KTN1: variants seen among roughly 807,000 people sequenced by gnomAD.
KTN1 encodes the protein kinectin 1, also known as kinectin.
A neutral mutation model predicts 222.5 loss-of-function variants in KTN1; 130 were observed. That is an observed-to-expected ratio of 0.58 (90% confidence interval 0.51 to 0.68). The LOEUF (loss-of-function observed/expected upper bound fraction) is 0.68, where lower values mean the gene tolerates loss of function less well. Among genes scored for constraint, KTN1 ranks in the 30% least tolerant of loss-of-function variants. KTN1 has a pLI of 0.00. For missense variants in KTN1, 1,508 were observed against 1,500.4 expected, an observed-to-expected ratio of 1.01 and a Z score of -0.08; for synonymous variants, 512 against 496.3, an observed-to-expected ratio of 1.03 and a Z score of -0.42.
intron 32 of KTN1, chr14:55,662,994 G>T: frequency 2.2e-6 from 1 of 455,894 alleles, no homozygotes; most frequent in South Asian, 1.5e-5. Flanking sequence ...GCAGATAGCA[G>T]TGTCAGTCTT....
chr14:55,590,301 A>G (rs2033881734), intron 1 of KTN1, among the ~76,000 whole-genome samples: 2 of 152,226 alleles, frequency 1.3e-5, no homozygotes, highest in African/African-American at 4.8e-5. Flanking sequence ...TATAATGTAT[A>G]TGTACAGTTT....
chr14:55,679,892 G>T (rs886982858), intron 43 of KTN1: 2 of 552,234 alleles, frequency 3.6e-6, no homozygotes, highest in Non-Finnish European at 6.3e-6. Flanking sequence ...GGGGTTATCT[G>T]TGCCTCCTTT....
chr14:55,610,388 G>T (rs2037364508), intron 1 of KTN1, among the ~76,000 whole-genome samples: 1 of 152,100 alleles, frequency 6.6e-6, no homozygotes, highest in Admixed American at 6.5e-5. Context: ...GTGTACCTGT[G>T]CAGTTCAAAC....
rs372710538 is a variant in KTN1, at chr14:55,589,955, C to A, written c.-31+9601C>A. On this transcript the variant is annotated intron_variant, in intron 1 of 43. Transcript: ENST00000395314. ...TACAGGTGTGAGCCACTGCACCCAG[C>A]CTTATTTATCTGATTTCTTAAGGTA... Among the ~76,000 whole-genome samples the A allele has an allele frequency of 4.6e-5, 7 of 152,148 alleles. No homozygotes were observed. The South Asian group carries it at 8.3e-4, about 18-fold the overall frequency.
At chr14:55,610,392 T>C (rs1175963701) in intron 1 of KTN1, among the ~76,000 whole-genome samples, 1 of 152,198 alleles carries the variant, frequency 6.6e-6, no homozygotes, top group Admixed American at 6.5e-5. Flanking sequence ...ACCTGTGCAG[T>C]TCAAACCCGT....
chr14:55,660,763 A>G (rs2141219017), intron 31 of KTN1, among the ~76,000 whole-genome samples: 1 of 152,292 alleles, frequency 6.6e-6, no homozygotes, highest in African/African-American at 2.4e-5. Context: ...ATACATGTGT[A>G]TATATATGTG....
intron 1 of KTN1, among the ~76,000 whole-genome samples, chr14:55,587,214 T>C (rs2033198585): frequency 6.6e-6 from 1 of 152,200 alleles, no homozygotes; most frequent in Admixed American, 6.5e-5. Flanking sequence ...AGTCTTTTGC[T>C]TTACTTGCCA....
intron 5 of KTN1, among the ~76,000 whole-genome samples, chr14:55,621,292 C>G (rs1405754384): frequency 4.6e-5 from 5 of 107,792 alleles, no homozygotes; most frequent in African/African-American, 3.0e-4. Context: ...TCTGAGCCCT[C>G]CAAACTGTTC....
chr14:55,666,040 A>ATAGC (rs780264757), intron 33 of KTN1, among the ~76,000 whole-genome samples: 2 of 152,108 alleles, frequency 1.3e-5, no homozygotes, highest in East Asian at 1.9e-4. Flanking sequence ...TGTCCTTGAA[A>ATAGC]TAGCATTAAT....
intron 1 of KTN1, among the ~76,000 whole-genome samples, chr14:55,592,376 A>C (rs1161415671): frequency 6.6e-6 from 1 of 152,202 alleles, no homozygotes; most frequent in East Asian, 1.9e-4. Flanking sequence ...TAATACTTTG[A>C]CAGTATGGAG....
chr14:55,585,309 G>A (rs1003224756), intron 1 of KTN1, among the ~76,000 whole-genome samples: 3 of 152,064 alleles, frequency 2.0e-5, no homozygotes, highest in African/African-American at 7.2e-5. Context: ...TTAGAGTGTG[G>A]TGGAGACCCT....
At chr14:55,625,543 A>G (rs1355696203) in intron 5 of KTN1, among the ~76,000 whole-genome samples, 1 of 152,124 alleles carries the variant, frequency 6.6e-6, no homozygotes, top group Non-Finnish European at 1.5e-5. Context: ...TTCTGTGATT[A>G]TAATTTTCAT....
intron 1 of KTN1, among the ~76,000 whole-genome samples, chr14:55,591,516 A>C (rs1372170209): frequency 6.6e-6 from 1 of 151,418 alleles, no homozygotes; most frequent in Admixed American, 6.6e-5. Flanking sequence ...AATGGCAAAA[A>C]CCAGTTAGCC....
In KTN1 at chr14:55,616,624, G is replaced by A; in HGVS notation, c.631G>A (p.Ala211Thr). The change falls in exon 3 of 44, where the codon GCT (alanine) becomes ACT (threonine). Residue 211 changes from alanine (A) to threonine (T), a missense_variant. Ala to Thr is a moderately conservative substitution (Grantham distance 58, BLOSUM62 0). Transcript: ENST00000395314. ...AGAAAGTGGATCAGGGAAGAAGAAA[G>A]CTTCATCAAAGAAACAAAAGACAGA... ...KQESGSGKKKASSKKQKTENV... is the reference protein window; with the variant it reads ...KQESGSGKKKTSSKKQKTENV... 1 of 1,597,988 alleles carries A rather than the reference G, an allele frequency of 6.3e-7. No homozygotes were observed. Among genetic ancestry groups the A allele is most frequent in the Non-Finnish European group, 8.5e-7 (1 of 1,176,022 alleles).
intron 18 of KTN1, among the ~76,000 whole-genome samples, chr14:55,644,087 A>G (rs17128653): frequency 0.091 from 13,880 of 152,240 alleles, 1,695 homozygotes; most frequent in African/African-American, 0.28. Context: ...TCTAGAAAGC[A>G]TATGACTGAG....
At chr14:55,615,906 T>C (rs988328722) in intron 2 of KTN1, among the ~76,000 whole-genome samples, 46 of 146,248 alleles carry the variant, frequency 3.1e-4, no homozygotes, top group Non-Finnish European at 5.9e-4. Flanking sequence ...CTCTCTCTTT[T>C]CTTTCTTCTT....
rs2045375670 is a variant in KTN1 at position 55,670,818 on chromosome 14, A to G, written c.3348+9A>G. 1 of 1,566,424 alleles carries G rather than the reference A, an allele frequency of 6.4e-7. No individual in the cohort carries two copies. The highest frequency in any genetic ancestry group is 8.7e-7 in the Non-Finnish European group (1 of 1,143,702). On this transcript the variant is annotated intron_variant, in intron 35 of 43. Coordinates refer to ENST00000395314, the MANE Select transcript of KTN1 (RefSeq NM_001079521.2). Reference sequence around the variant, plus strand: ...GGTCAGAGGAGGTTAAGGTTAGTTCAGCAAATGAACTGTTTGTAATTTAAA... The same window carrying G: ...GGTCAGAGGAGGTTAAGGTTAGTTCGGCAAATGAACTGTTTGTAATTTAAA...
chr14:55,645,160 T>C (rs2042171636), intron 18 of KTN1, among the ~76,000 whole-genome samples: 1 of 152,066 alleles, frequency 6.6e-6, no homozygotes, highest in African/African-American at 2.4e-5. Flanking sequence ...CAACTAAACC[T>C]CGTTTTGAAA....
chr14:55,647,903 CA>C (rs2042549082), intron 19 of KTN1, 121 bp from the exon 20 acceptor site: 2 of 225,708 alleles, frequency 8.9e-6, no homozygotes, highest in East Asian at 2.4e-4. Context: ...GAGATTGCAC[CA>C]CTGCACTCCA....
Sources: allele counts gnomAD v4.1 joint callset (sites outside exome capture counted in the v4.1 genomes callset), GRCh38; gene constraint gnomAD v4.1.1; transcripts MANE v1.5; gene names NCBI Gene and HGNC (gene_info 2026-07-23, HGNC 2026-07-21).